Variants in OVCH2 observed in about 807,000 individuals in gnomAD.
OVCH2 encodes the protein ovochymase 2.
In OVCH2, 88 loss-of-function variants were observed where a neutral mutation model predicts 73.7. That is an observed-to-expected ratio of 1.19 (90% CI 1.01 to 1.43). The LOEUF is 1.43. OVCH2 is among the 40% of genes most tolerant of loss of function. OVCH2 has a pLI of 0.00. For missense variants in OVCH2, 706 were observed against 674.5 expected (o/e 1.05, Z -0.52); for synonymous variants, 265 against 234.5 (o/e 1.13, Z -1.19).
chr11:7,704,782 C>A, intron 1 of OVCH2, 108 bp from the exon 2 acceptor site: 2 of 669,200 alleles, frequency 3.0e-6, no homozygotes, highest in East Asian at 2.8e-5. Context: ...GTGTATGGTG[C>A]TCAGCACACA....
the OVCH2 span, among the ~76,000 whole-genome samples, chr11:7,680,475 T>C: frequency 6.6e-6 from 1 of 152,124 alleles, no homozygotes; most frequent in Non-Finnish European, 1.5e-5. Context: ...CGGGTGGGCC[T>C]GATGTGATCA....
At chr11:7,697,066 T>C in intron 8 of OVCH2, 1 of 453,058 alleles carries the variant, frequency 2.2e-6, no homozygotes, top group Non-Finnish European at 4.0e-6. Context: ...AGGCAGGGCC[T>C]CAATCTCTCA....
At chr11:7,684,564 C>T (rs1856123026), downstream of OVCH2, among the ~76,000 whole-genome samples, 1 of 149,606 alleles carries the variant, frequency 6.7e-6, no homozygotes, top group Non-Finnish European at 1.5e-5. Context: ...TTAAATCCAG[C>T]TTCAGTAAGC....
intron 2 of OVCH2, among the ~76,000 whole-genome samples, chr11:7,704,110 A>G (rs1321471441): frequency 6.6e-6 from 1 of 152,148 alleles, no homozygotes; most frequent in Non-Finnish European, 1.5e-5. Flanking sequence ...AACAATATGA[A>G]CAGTGTCTGT....
Position 7,697,813 on chromosome 11 carries a change from T to A in OVCH2, c.925+937A>T, listed in dbSNP as rs369752852. 9.2e-5 allele frequency among the ~76,000 whole-genome samples: 14 copies of A among 152,164 alleles called. No individual in the cohort carries two copies. The South Asian group carries it at 1.9e-3, about 20-fold the overall frequency. ...GAAGAATTTCATACGTCCATGCATTTGTCCCCTCGCAACCCATCCCCTACA... is the reference window on the plus strand; with the variant it reads ...GAAGAATTTCATACGTCCATGCATTAGTCCCCTCGCAACCCATCCCCTACA... On this transcript the variant is annotated intron_variant, in intron 8 of 15. Coordinates refer to ENST00000533663, the MANE Select transcript of OVCH2 (RefSeq NM_198185.7).
intron 1 of OVCH2, chr11:7,706,096 G>A: frequency 2.1e-6 from 1 of 475,052 alleles, no homozygotes; most frequent in Non-Finnish European, 3.7e-6. Context: ...TACTTAATTG[G>A]ATACATTAGT....
In OVCH2 at chr11:7,700,489, C is replaced by T; in HGVS notation, c.712-4G>A. The T allele has an allele frequency of 6.3e-7, 1 of 1,596,272 alleles. No homozygotes were observed. The highest frequency in any genetic ancestry group is 1.1e-5 in the South Asian group (1 of 88,040). On this transcript the variant is annotated splice_region_variant and splice_polypyrimidine_tract_variant and intron_variant, in intron 6 of 15. Coordinates refer to ENST00000533663, the MANE Select transcript of OVCH2 (RefSeq NM_198185.7). ...TGAGTGAACCTCCTGAATCTCCCTGCAGAGGGAAAAAGCCTCTATTAGCAT... is the reference window on the plus strand; with the variant it reads ...TGAGTGAACCTCCTGAATCTCCCTGTAGAGGGAAAAAGCCTCTATTAGCAT...
At chr11:7,684,431 G>A in the OVCH2 span, among the ~76,000 whole-genome samples, 1 of 149,784 alleles carries the variant, frequency 6.7e-6, no homozygotes, top group African/African-American at 2.5e-5. Context: ...AAGCACCTTG[G>A]GACTCTCTGC....
the OVCH2 span, among the ~76,000 whole-genome samples, chr11:7,683,999 T>TTA: frequency 2.5e-4 from 37 of 149,388 alleles, no homozygotes; most frequent in South Asian, 5.9e-3. Flanking sequence ...ATCTGGCATT[T>TTA]TATATATATA....
In OVCH2 at chr11:7,702,291, T is replaced by C; in HGVS notation, c.329A>G (p.Tyr110Cys). Residue 110 changes from tyrosine (Y) to cysteine (C), a missense_variant, in exon 4 of 16, where the codon TAT becomes TGT. Tyr to Cys is a radical substitution (Grantham distance 194). Coordinates refer to ENST00000533663, the MANE Select transcript of OVCH2 (RefSeq NM_198185.7). The stretch of plus-strand genomic sequence containing the variant: ...TCCTGGGTCTGTCTGGCTTAAGTCA[T>C]ACTCTCCAGCAGTAACATTCAAAGT... ...VSTLNVTAGE[Y>C]DLSQTDPGEQ... 6.2e-7 allele frequency: 1 copy of C among 1,610,346 alleles called. No homozygotes were observed. The highest frequency in any genetic ancestry group is 8.5e-7 in the Non-Finnish European group (1 of 1,178,632).
intron 8 of OVCH2, among the ~76,000 whole-genome samples, chr11:7,698,516 C>G (rs1263709915): frequency 3.3e-5 from 5 of 152,268 alleles, no homozygotes; most frequent in Middle Eastern, 6.8e-3. Flanking sequence ...TGATTCCAAG[C>G]TAGTGTTTGG....
the OVCH2 span, among the ~76,000 whole-genome samples, chr11:7,681,773 G>C: frequency 6.6e-6 from 1 of 151,168 alleles, no homozygotes; most frequent in Admixed American, 6.6e-5. Context: ...CCACCTGCAT[G>C]GACAAGCCTG....
intron 12 of OVCH2, among the ~76,000 whole-genome samples, chr11:7,694,261 G>A (rs1358830992): frequency 6.6e-6 from 1 of 152,128 alleles, no homozygotes; most frequent in African/African-American, 2.4e-5. Flanking sequence ...TCTGCAGATG[G>A]TCCATTAGTG....
chr11:7,691,312 G>C lies in OVCH2; in HGVS notation c.1596C>G (p.Thr532=). 2.5e-6 allele frequency: 4 copies of C among 1,613,778 alleles called. No individual in the cohort carries two copies. Among genetic ancestry groups the C allele is most frequent in the African/African-American group, 1.3e-5 (1 of 75,014 alleles). Residue 532 remains threonine, a synonymous_variant, in exon 14 of 16, where the codon ACC becomes ACG. Transcript: ENST00000533663. ...AGACTGTAGCCTGAAAGCCCCTGCA[G>C]GTCCCGTTTTCATCTGATTGGAAGC... is the stretch of plus-strand genomic sequence containing the variant. ...LISFQSDENG[T]CRGFQATVSF...
At chr11:7,679,869 T>C in the OVCH2 span, among the ~76,000 whole-genome samples, 1 of 152,122 alleles carries the variant, frequency 6.6e-6, no homozygotes, top group Non-Finnish European at 1.5e-5. Context: ...CTTCCATAAA[T>C]ACCTCAAAGG....
intron 2 of OVCH2, 65 bp downstream of exon 2, chr11:7,704,500 T>C (rs546703786): frequency 8.4e-7 from 1 of 1,183,520 alleles, no homozygotes; most frequent in South Asian, 1.5e-5. Flanking sequence ...AAACTTAACC[T>C]TAAAAATATC....
At chr11:7,691,043 G>T (rs1057252132) in intron 14 of OVCH2, among the ~76,000 whole-genome samples, 1 of 152,152 alleles carries the variant, frequency 6.6e-6, no homozygotes, top group Non-Finnish European at 1.5e-5. Context: ...ACAAGTTTAT[G>T]TACTGATCAG....
At chr11:7,678,867 T>C in the OVCH2 span, among the ~76,000 whole-genome samples, 2 of 152,196 alleles carry the variant, frequency 1.3e-5, no homozygotes, top group Non-Finnish European at 2.9e-5. Flanking sequence ...CGCGATCATT[T>C]GTACTCCAAA....
At chr11:7,695,274 G>A in intron 11 of OVCH2, 86 bp from the exon 12 acceptor site, 1 of 1,401,220 alleles carries the variant, frequency 7.1e-7, no homozygotes, top group African/African-American at 1.5e-5. Context: ...TCCTGAAAAT[G>A]ATGCATATCA....
Sources: gnomAD v4.1 joint callset for allele counts (sites outside exome capture counted in the v4.1 genomes callset) on GRCh38, gnomAD v4.1.1 for gene constraint, MANE v1.5 for transcripts, NCBI Gene and HGNC (gene_info 2026-07-23, HGNC 2026-07-21) for gene names.